DDAH1: variants seen among roughly 807,000 people sequenced by gnomAD.
The protein encoded by DDAH1 is N(G),N(G)-dimethylarginine dimethylaminohydrolase 1.
In DDAH1, 19 loss-of-function variants were observed where a neutral mutation model predicts 28.8. The observed-to-expected ratio is 0.66, with a 90% CI of 0.46 to 0.97. DDAH1 has a LOEUF of 0.97. DDAH1 is among the 50% of genes least tolerant of loss of function. DDAH1 has a pLI of 0.00. For synonymous variants in DDAH1, 153 were observed against 154.4 expected, an observed-to-expected ratio of 0.99 and a Z score of 0.07; for missense variants, 326 against 375.9, an observed-to-expected ratio of 0.87 and a Z score of 1.10.
At chr1:85,456,212 A>C (rs1654874320) in intron 1 of DDAH1, among the ~76,000 whole-genome samples, 1 of 152,248 alleles carries the variant, frequency 6.6e-6, no homozygotes, top group Admixed American at 6.5e-5. Context: ...TAGCTCATGC[A>C]AAATTCAACC....
intron 1 of DDAH1, among the ~76,000 whole-genome samples, chr1:85,576,432 A>AGTTC (rs1659606340): frequency 3.3e-5 from 5 of 152,196 alleles, no homozygotes; most frequent in Admixed American, 3.3e-4. Flanking sequence ...TCGAGGAGGA[A>AGTTC]GAGGGGAAGG....
chr1:85,325,574 T>C (rs2300634), intron 4 of DDAH1, among the ~76,000 whole-genome samples: 43,574 of 151,476 alleles, frequency 0.29, 7,204 homozygotes, highest in South Asian at 0.4. Context: ...ACAGATAATT[T>C]TGAGGCAGAG....
At chr1:85,548,661 C>T (rs1336156039) in intron 1 of DDAH1, among the ~76,000 whole-genome samples, 1 of 152,166 alleles carries the variant, frequency 6.6e-6, no homozygotes, top group Non-Finnish European at 1.5e-5. Context: ...CTAGGAATAG[C>T]TCCAAGCCAG....
At chr1:85,554,535 A>G (rs1658905768) in intron 1 of DDAH1, among the ~76,000 whole-genome samples, 1 of 152,188 alleles carries the variant, frequency 6.6e-6, no homozygotes, top group Non-Finnish European at 1.5e-5. Flanking sequence ...AAATATTAAG[A>G]TTCCTTAGTC....
chr1:85,468,666 C>T (rs192780845), upstream of DDAH1, among the ~76,000 whole-genome samples: 283 of 152,096 alleles, frequency 1.9e-3, 2 homozygotes, highest in African/African-American at 6.0e-3. Flanking sequence ...ACTACAGGCA[C>T]CCGCCACCAC....
At chr1:85,426,879 C>T (rs908726042) in intron 1 of DDAH1, among the ~76,000 whole-genome samples, 1 of 140,556 alleles carries the variant, frequency 7.1e-6, no homozygotes, top group Admixed American at 7.6e-5. Flanking sequence ...CCACTGCATT[C>T]CAGCCTGGGC....
intron 1 of DDAH1, among the ~76,000 whole-genome samples, chr1:85,550,064 A>G (rs1658739760): frequency 6.6e-6 from 1 of 152,196 alleles, no homozygotes; most frequent in African/African-American, 2.4e-5. Context: ...CTGGTATAGT[A>G]GATGTGTTCC....
intron 1 of DDAH1, among the ~76,000 whole-genome samples, chr1:85,457,923 T>C (rs1477870479): frequency 6.6e-6 from 1 of 152,172 alleles, no homozygotes; most frequent in African/African-American, 2.4e-5. Flanking sequence ...ACTCCTGACC[T>C]CATGATCCGC....
intron 1 of DDAH1, among the ~76,000 whole-genome samples, chr1:85,544,002 A>G (rs982416690): frequency 6.6e-6 from 1 of 152,174 alleles, no homozygotes; most frequent in Non-Finnish European, 1.5e-5. Context: ...ATTTTATAGT[A>G]TTTTTGGTTC....
chr1:85,422,085 G>GT (rs58821561), intron 1 of DDAH1, among the ~76,000 whole-genome samples: 48,205 of 151,902 alleles, frequency 0.32, 7,789 homozygotes, highest in African/African-American at 0.37. Flanking sequence ...GATATTGTCA[G>GT]TTTTTTAAAA....
chr1:85,526,955 T>C (rs1202027169), intron 1 of DDAH1, among the ~76,000 whole-genome samples: 1 of 152,084 alleles, frequency 6.6e-6, no homozygotes. Context: ...GTCCTGTAAT[T>C]ACTTATATAA....
chr1:85,403,490 C>T (rs914419043), intron 1 of DDAH1, among the ~76,000 whole-genome samples: 1 of 152,078 alleles, frequency 6.6e-6, no homozygotes, highest in African/African-American at 2.4e-5. Context: ...GGAGCATTTG[C>T]AATTTTTCAA....
chr1:85,387,714 G>A (rs1383120368), intron 1 of DDAH1, among the ~76,000 whole-genome samples: 2 of 152,010 alleles, frequency 1.3e-5, no homozygotes, highest in African/African-American at 2.4e-5. Flanking sequence ...CCATTTTCAG[G>A]TATTTTTATT....
chr1:85,405,328 A>G (rs959270207), intron 1 of DDAH1, among the ~76,000 whole-genome samples: 1 of 152,214 alleles, frequency 6.6e-6, no homozygotes, highest in South Asian at 2.1e-4. Context: ...ATCTGAGGAA[A>G]AGATCTTGTT....
chr1:85,546,507 C>T (rs1217277966), intron 1 of DDAH1, among the ~76,000 whole-genome samples: 1 of 152,160 alleles, frequency 6.6e-6, no homozygotes, highest in African/African-American at 2.4e-5. Context: ...TTGGCTCCTC[C>T]ATCTCTAAAC....
Position 85,436,801 on chromosome 1 carries a change from G to A in DDAH1, c.303+27942C>T, listed in dbSNP as rs547265828. ...GAGGTGAGGGTCACAGTTGTGAAGC[G>A]GTAGACATTTTTGACAACTCTCAGT... On this transcript the variant is annotated intron_variant, in intron 1 of 5. Coordinates refer to ENST00000284031, the MANE Select transcript of DDAH1 (RefSeq NM_012137.4). Among the ~76,000 whole-genome samples the A allele has an allele frequency of 7.9e-5, 12 of 152,258 alleles. No homozygotes were observed. In the East Asian group the frequency reaches 1.4e-3, roughly 17 times the overall value.
intron 1 of DDAH1, among the ~76,000 whole-genome samples, chr1:85,451,275 T>C (rs1459344183): frequency 1.3e-5 from 2 of 152,100 alleles, no homozygotes; most frequent in African/African-American, 4.8e-5. Flanking sequence ...GAAGAGAAGA[T>C]AGCAGGAGAA....
intron 1 of DDAH1, among the ~76,000 whole-genome samples, chr1:85,439,655 A>G (rs1450887464): frequency 6.6e-6 from 1 of 152,238 alleles, no homozygotes; most frequent in Non-Finnish European, 1.5e-5. Flanking sequence ...TTCGATGTAA[A>G]ATTTAGAAAG....
chr1:85,496,860 C>A (rs1427047882), intron 1 of DDAH1, among the ~76,000 whole-genome samples: 2 of 152,048 alleles, frequency 1.3e-5, no homozygotes, highest in Non-Finnish European at 1.5e-5. Flanking sequence ...AGAAATAAAA[C>A]CTAGCTGGTT....
Sources: gnomAD v4.1 joint callset for allele counts (sites outside exome capture counted in the v4.1 genomes callset) on GRCh38, gnomAD v4.1.1 for gene constraint, MANE v1.5 for transcripts, NCBI Gene and HGNC (gene_info 2026-07-23, HGNC 2026-07-21) for gene names.